Variants in PHLDB2 observed in about 807,000 individuals in gnomAD.
The protein encoded by PHLDB2 is pleckstrin homology like domain family B member 2.
PHLDB2 carries 71 observed loss-of-function variants against 123.6 expected under a neutral mutation model. The ratio of observed to expected loss-of-function variants is 0.57; its 90% CI spans 0.47 to 0.70. PHLDB2 has a LOEUF of 0.70. Ranked by LOEUF, PHLDB2 falls within the 30% of genes least tolerant of loss-of-function variation. The pLI is 0.00. For synonymous variants in PHLDB2, 547 were observed against 541.6 expected (o/e 1.01, Z -0.14); for missense variants, 1,446 against 1,519.5 (o/e 0.95, Z 0.80).
chr3:111,792,372 G>A (rs1396523070), intron 1 of PHLDB2, among the ~76,000 whole-genome samples: 2 of 152,184 alleles, frequency 1.3e-5, no homozygotes, highest in Non-Finnish European at 2.9e-5. Context: ...GAGGCATAGG[G>A]ATGAAATGTG....
At chr3:111,865,037 A>G (rs922015169) in intron 1 of PHLDB2, among the ~76,000 whole-genome samples, 3 of 152,220 alleles carry the variant, frequency 2.0e-5, no homozygotes, top group African/African-American at 7.2e-5. Flanking sequence ...CCCTACTGCT[A>G]AAACAAGGAA....
intron 1 of PHLDB2, among the ~76,000 whole-genome samples, chr3:111,811,282 A>G (rs2061825434): frequency 6.6e-6 from 1 of 152,216 alleles, no homozygotes; most frequent in African/African-American, 2.4e-5. Flanking sequence ...TGCATGAAAC[A>G]GAAAGTAATC....
chr3:111,790,433 G>A (rs1363288085), intron 1 of PHLDB2, among the ~76,000 whole-genome samples: 1 of 152,122 alleles, frequency 6.6e-6, no homozygotes, highest in African/African-American at 2.4e-5. Flanking sequence ...ATACCTTCCA[G>A]AACTTTTCAT....
At chr3:111,890,612 A>C (rs2066423440) in intron 2 of PHLDB2, among the ~76,000 whole-genome samples, 2 of 152,200 alleles carry the variant, frequency 1.3e-5, no homozygotes, top group African/African-American at 2.4e-5. Context: ...TAAGCATAAT[A>C]TCTGTAATAT....
At chr3:111,898,320 T>G (rs1255254861) in intron 2 of PHLDB2, among the ~76,000 whole-genome samples, 1 of 152,008 alleles carries the variant, frequency 6.6e-6, no homozygotes, top group Non-Finnish European at 1.5e-5. Context: ...CAGCTGGGAT[T>G]ACAGGCACCA....
intron 2 of PHLDB2, among the ~76,000 whole-genome samples, chr3:111,886,043 T>C (rs2066142922): frequency 6.6e-6 from 1 of 152,224 alleles, no homozygotes; most frequent in South Asian, 2.1e-4. Flanking sequence ...TGTTGAAATA[T>C]TGAAAATAAG....
At chr3:111,863,202 C>T (rs901514621) in intron 1 of PHLDB2, among the ~76,000 whole-genome samples, 1 of 152,174 alleles carries the variant, frequency 6.6e-6, no homozygotes, top group African/African-American at 2.4e-5. Context: ...GATGCCTGTA[C>T]TGTCCTTTCC....
chr3:111,923,278 C>G (rs4682065), intron 5 of PHLDB2, among the ~76,000 whole-genome samples: 1 of 152,068 alleles, frequency 6.6e-6, no homozygotes, highest in Non-Finnish European at 1.5e-5. Context: ...ATCAGACTCC[C>G]GAGCAGCATT....
intron 6 of PHLDB2, among the ~76,000 whole-genome samples, chr3:111,937,802 G>A (rs981006374): frequency 6.1e-5 from 9 of 148,340 alleles, no homozygotes; most frequent in Admixed American, 1.3e-4. Context: ...AAAAAAAAAA[G>A]GAAAAGAAAA....
chr3:111,900,927 G>T (rs570598304), intron 2 of PHLDB2, among the ~76,000 whole-genome samples: 9 of 152,016 alleles, frequency 5.9e-5, no homozygotes, highest in African/African-American at 2.2e-4. Flanking sequence ...ATAGAAATGG[G>T]GTCTCTCTAT....
rs577918219 is a variant in PHLDB2 at position 111,938,400 on chromosome 3, A to T, written c.2131-1075A>T. ...AGAGCCCATGTCCAAAAGTTTTTTG[A>T]TTGCTTATCCCTTTAATAAAATTAT... On this transcript the variant is annotated intron_variant, in intron 6 of 17. Coordinates refer to ENST00000431670, the MANE Select transcript of PHLDB2 (RefSeq NM_001134438.2). Among the ~76,000 whole-genome samples, 3 of 152,098 alleles carry T rather than the reference A, an allele frequency of 2.0e-5. No individual in the cohort carries two copies. The East Asian group carries it at 5.8e-4, about 29-fold the overall frequency.
chr3:111,848,573 G>A (rs1576876523), intron 2 of PHLDB2, among the ~76,000 whole-genome samples: 2 of 152,324 alleles, frequency 1.3e-5, no homozygotes, highest in East Asian at 1.9e-4. Flanking sequence ...TTTTGTTGAA[G>A]AAACAGAGGA....
chr3:111,893,130 G>A (rs1242107136), intron 2 of PHLDB2, among the ~76,000 whole-genome samples: 1 of 151,688 alleles, frequency 6.6e-6, no homozygotes, highest in Non-Finnish European at 1.5e-5. Context: ...AGACCTTTTT[G>A]GCTATGTTGA....
intron 6 of PHLDB2, among the ~76,000 whole-genome samples, chr3:111,938,918 C>T (rs547701140): frequency 1.3e-5 from 2 of 152,270 alleles, no homozygotes; most frequent in South Asian, 4.2e-4. Context: ...AGCAATTCTC[C>T]TGTCTCAGCC....
At chr3:111,865,419 C>T (rs537286498) in intron 1 of PHLDB2, among the ~76,000 whole-genome samples, 1 of 152,272 alleles carries the variant, frequency 6.6e-6, no homozygotes, top group South Asian at 2.1e-4. Flanking sequence ...TAGCTGCCAC[C>T]TTATCACTAA....
chr3:111,889,683 C>T (rs1182324053), intron 2 of PHLDB2, among the ~76,000 whole-genome samples: 1 of 152,122 alleles, frequency 6.6e-6, no homozygotes, highest in Admixed American at 6.5e-5. Context: ...GCCCAGGTGG[C>T]AGAGTGAGAC....
At chr3:111,903,676 CT>C (rs1189075588) in intron 2 of PHLDB2, among the ~76,000 whole-genome samples, 1 of 152,154 alleles carries the variant, frequency 6.6e-6, no homozygotes, top group Admixed American at 6.5e-5. Context: ...TCACTTCACG[CT>C]TTTGACAGAA....
chr3:111,952,546 AT>A, intron 10 of PHLDB2, 25 bp from the exon 11 acceptor site: 1 of 1,599,346 alleles, frequency 6.3e-7, no homozygotes, highest in Non-Finnish European at 8.5e-7. Context: ...AAGTTTTGCT[AT>A]TTTGCTTTGC....
intron 15 of PHLDB2, 80 bp from the exon 16 acceptor site, chr3:111,969,610 A>T: frequency 8.7e-7 from 1 of 1,146,692 alleles, no homozygotes; most frequent in Non-Finnish European, 1.3e-6. Flanking sequence ...TTTTACAGTT[A>T]ATTTCTGCTT....
Sources: gnomAD v4.1 joint callset for allele counts (sites outside exome capture counted in the v4.1 genomes callset) on GRCh38, gnomAD v4.1.1 for gene constraint, MANE v1.5 for transcripts, NCBI Gene and HGNC (gene_info 2026-07-23, HGNC 2026-07-21) for gene names.